The following CNGB1 variants were observed in gnomAD, a reference collection of about 807,000 sequenced individuals.
CNGB1 encodes the protein cyclic nucleotide gated channel subunit beta 1, also known as cyclic nucleotide-gated channel beta-1.
A neutral mutation model predicts 151.7 loss-of-function variants in CNGB1; 126 were observed. That is an observed-to-expected ratio of 0.83 (90% confidence interval 0.72 to 0.96). CNGB1 has a LOEUF of 0.96. Ranked by LOEUF, CNGB1 falls within the 40% of genes least tolerant of loss-of-function variation. CNGB1 has a pLI of 0.00. For missense variants in CNGB1, 1,698 were observed against 1,627.0 expected (o/e 1.04, Z -0.75); for synonymous variants, 623 against 635.1 (o/e 0.98, Z 0.29).
chr16:57,959,670 G>A (rs1254640488), intron 10 of CNGB1, among the ~76,000 whole-genome samples: 2 of 152,192 alleles, frequency 1.3e-5, no homozygotes, highest in African/African-American at 4.8e-5. Context: ...GCTCCTGTCA[G>A]GTGTGTGTTG....
At chr16:57,922,323 C>T (rs1323229547) in intron 18 of CNGB1, among the ~76,000 whole-genome samples, 6 of 152,266 alleles carry the variant, frequency 3.9e-5, no homozygotes, top group African/African-American at 1.4e-4. Flanking sequence ...TTCTCAGATC[C>T]TTCGGGAAGA....
intron 17 of CNGB1, among the ~76,000 whole-genome samples, chr16:57,925,280 G>T (rs1340447648): frequency 2.0e-5 from 3 of 152,088 alleles, no homozygotes; most frequent in African/African-American, 7.2e-5. Flanking sequence ...TGGGATAACA[G>T]GCATGAGCCA....
chr16:57,907,477 A>C (rs566259474), intron 25 of CNGB1, among the ~76,000 whole-genome samples: 8 of 152,242 alleles, frequency 5.3e-5, no homozygotes, highest in Non-Finnish European at 1.2e-4. Context: ...CAATAGCCAT[A>C]GCTAGGCACA....
chr16:57,920,546 T>C lies in CNGB1; in HGVS notation c.1644-2A>G, dbSNP rs750222574. Reference sequence around the variant, plus strand: ...GTGGAGGCCGCACGGTCCTGGCCACTGTGGGAACATCACCCAAAGCTGAGC... The same window carrying C: ...GTGGAGGCCGCACGGTCCTGGCCACCGTGGGAACATCACCCAAAGCTGAGC... On this transcript the variant is annotated splice_acceptor_variant, in intron 18 of 32. Coordinates refer to ENST00000251102, the MANE Select transcript of CNGB1 (RefSeq NM_001297.5). LOFTEE classifies it high-confidence loss of function. The C allele has an allele frequency of 5.0e-6, 8 of 1,611,152 alleles. No homozygotes were observed. The Admixed American group carries it at 8.3e-5, about 17-fold the overall frequency.
At chr16:57,931,682 C>A in intron 17 of CNGB1, 34 bp downstream of exon 17, 1 of 1,611,708 alleles carries the variant, frequency 6.2e-7, no homozygotes. Flanking sequence ...TGGCACAGTG[C>A]CGAGAAAAGC....
Position 57,917,627 on chromosome 16 carries a change from T to TACAC in CNGB1, c.1958-155_1958-152dup, listed in dbSNP as rs146174302. 2.5e-3 allele frequency: 1,442 copies of TACAC among 567,030 alleles called. 12 individuals are homozygous for TACAC. Among genetic ancestry groups the TACAC allele is most frequent in the African/African-American group, 0.022 (1,075 of 48,400 alleles). 35.1% of individuals were successfully genotyped at this position (567,030 alleles called of 1,614,324 possible). A position where few individuals can be genotyped will look rare whatever the true frequency, so the allele number is the denominator to read the frequency against. ...GTGTATGTGTGTGTGTGTGTATATATACACACACACACACACACACACATA... is the reference window on the plus strand; with the variant it reads ...GTGTATGTGTGTGTGTGTGTATATATACACACACACACACACACACACACACATA... On this transcript the variant is annotated intron_variant, in intron 20 of 32. Coordinates refer to ENST00000251102, the MANE Select transcript of CNGB1 (RefSeq NM_001297.5).
At chr16:57,962,354 C>T (rs1206903655) in intron 7 of CNGB1, among the ~76,000 whole-genome samples, 2 of 152,176 alleles carry the variant, frequency 1.3e-5, no homozygotes, top group African/African-American at 2.4e-5. Flanking sequence ...CTCAGTCATC[C>T]CTGGGAACAC....
At chr16:57,945,114 A>G (rs1251696937) in intron 14 of CNGB1, among the ~76,000 whole-genome samples, 2 of 152,154 alleles carry the variant, frequency 1.3e-5, no homozygotes, top group Non-Finnish European at 2.9e-5. Context: ...TCGATGGCCA[A>G]TCCACGGTCA....
intron 3 of CNGB1, 136 bp downstream of exon 3, chr16:57,964,351 G>T: frequency 1.5e-6 from 2 of 1,377,102 alleles, no homozygotes; most frequent in Non-Finnish European, 2.0e-6. Flanking sequence ...GTCTCTGGGA[G>T]CCCACCCTTA....
intron 31 of CNGB1, among the ~76,000 whole-genome samples, chr16:57,889,210 T>C (rs60286951): frequency 0.034 from 5,239 of 152,126 alleles, 189 homozygotes; most frequent in African/African-American, 0.09. Flanking sequence ...CCTATGTTGC[T>C]CAGGCTGGTC....
At chr16:57,957,271 C>G in intron 12 of CNGB1, 70 bp downstream of exon 12, 6 of 1,466,292 alleles carry the variant, frequency 4.1e-6, no homozygotes, top group Non-Finnish European at 5.7e-6. Flanking sequence ...TGCCCACATA[C>G]AGTCAGACCC....
intron 17 of CNGB1, among the ~76,000 whole-genome samples, chr16:57,927,404 T>C (rs1174593735): frequency 6.6e-6 from 1 of 152,134 alleles, no homozygotes; most frequent in Non-Finnish European, 1.5e-5. Context: ...GCCTCAGAAC[T>C]CTCCCCTCTC....
chr16:57,918,134 T>TA (rs1960929610), intron 20 of CNGB1, among the ~76,000 whole-genome samples: 3 of 151,228 alleles, frequency 2.0e-5, no homozygotes, highest in African/African-American at 7.3e-5. Flanking sequence ...TTTATTTATT[T>TA]ATTTATTTAT....
intron 14 of CNGB1, among the ~76,000 whole-genome samples, chr16:57,940,743 A>T (rs1217768978): frequency 6.6e-6 from 1 of 152,190 alleles, no homozygotes; most frequent in African/African-American, 2.4e-5. Context: ...TGGGTAGAGC[A>T]TGACAAAAGT....
intron 31 of CNGB1, 21 bp from the exon 32 acceptor site, chr16:57,888,095 T>C: frequency 2.5e-6 from 4 of 1,610,036 alleles, no homozygotes; most frequent in Non-Finnish European, 3.4e-6. Context: ...GCAGCATCCA[T>C]TGACATCACA....
chr16:57,961,631 GGAAT>G (rs10533777), intron 7 of CNGB1, among the ~76,000 whole-genome samples: 63,382 of 150,768 alleles, frequency 0.42, 13,703 homozygotes, highest in Non-Finnish European at 0.47. Context: ...GCTGCAGCAA[GGAAT>G]GAATGAATGA....
chr16:57,885,869 CA>C (rs1269102835), intron 32 of CNGB1, among the ~76,000 whole-genome samples: 1 of 152,146 alleles, frequency 6.6e-6, no homozygotes, highest in African/African-American at 2.4e-5. Flanking sequence ...GCTGGGATGA[CA>C]GGGGTGAGCC....
chr16:57,916,950 C>G (rs1408397511), intron 21 of CNGB1, among the ~76,000 whole-genome samples: 1 of 152,212 alleles, frequency 6.6e-6, no homozygotes, highest in African/African-American at 2.4e-5. Flanking sequence ...GGCGATTCAG[C>G]TAGTTGTGGT....
In CNGB1 at chr16:57,891,901, C is replaced by T. The variant is rs191560126; in HGVS notation, c.3243-3827G>A. Among the ~76,000 whole-genome samples the T allele has an allele frequency of 2.3e-3, 349 of 152,168 alleles. 1 individual carries two copies. The highest frequency in any genetic ancestry group is 7.6e-3 in the African/African-American group (316 of 41,534). ...AGATTATTGTTTTATTAACATTGAA[C>T]GCACAGCCAACAGCACTGTAATTCA... On this transcript the variant is annotated intron_variant, in intron 31 of 32. Transcript: ENST00000251102.
Sources: gnomAD v4.1 joint callset for allele counts (sites outside exome capture counted in the v4.1 genomes callset) on GRCh38, gnomAD v4.1.1 for gene constraint, MANE v1.5 for transcripts, NCBI Gene and HGNC (gene_info 2026-07-23, HGNC 2026-07-21) for gene names.